The following KIF24 variants were observed in gnomAD, a reference collection of about 807,000 sequenced individuals.
KIF24 encodes kinesin family member 24.
Under a neutral mutation model 118.9 loss-of-function variants are expected in KIF24, and 81 were observed. The observed-to-expected ratio is 0.68, with a 90% CI of 0.57 to 0.82. KIF24 has a LOEUF of 0.82. KIF24 is among the 40% of genes least tolerant of loss of function. The pLI is 0.00. For missense variants in KIF24, 1,560 were observed against 1,661.6 expected, an observed-to-expected ratio of 0.94 and a Z score of 1.06; for synonymous variants, 599 against 610.0, an observed-to-expected ratio of 0.98 and a Z score of 0.27.
At chr9:34,329,600 G>C (rs980761891), upstream of KIF24, 8 of 152,316 alleles carry the variant, frequency 5.3e-5, no homozygotes, top group Non-Finnish European at 1.0e-4. Flanking sequence ...TCTGCTTCGG[G>C]TGAGTACCCT....
intron 3 of KIF24, among the ~76,000 whole-genome samples, chr9:34,298,877 G>C (rs955492505): frequency 1.3e-5 from 2 of 152,016 alleles, no homozygotes; most frequent in Non-Finnish European, 2.9e-5. Flanking sequence ...GAGCTGGGGA[G>C]AGAAAGGGGT....
intron 1 of KIF24, among the ~76,000 whole-genome samples, chr9:34,327,701 T>C (rs1251210159): frequency 2.0e-5 from 3 of 152,042 alleles, no homozygotes; most frequent in East Asian, 1.9e-4. Context: ...GGAATTTTAA[T>C]CTAATTCAAT....
rs1288649323 is a variant in KIF24, at chr9:34,254,642, A to T, written c.3967-122T>A. The T allele has an allele frequency of 5.1e-6, 5 of 982,278 alleles. No individual in the cohort carries two copies. In the African/African-American group the frequency reaches 8.1e-5, roughly 16 times the overall value. The allele number at this position is 982,278 out of a possible 1,614,324, so 60.8% of individuals were successfully genotyped here. The stretch of plus-strand genomic sequence containing the variant: ...ACCCAGGCCACTCTTCCAGCGGGAG[A>T]ACATGTAGGATAGTTGCTATGGCAC... On this transcript the variant is annotated intron_variant, in intron 12 of 12. Transcript: ENST00000402558.
intron 1 of KIF24, chr9:34,319,409 G>A (rs774480128): frequency 3.2e-6 from 3 of 948,188 alleles, no homozygotes; most frequent in African/African-American, 3.2e-5. Context: ...AGGCAAACTT[G>A]TCACGCATGC....
Position 34,259,728 on chromosome 9 carries a change from C to T in KIF24, c.1516-23G>A, listed in dbSNP as rs188069109. 305 of 1,514,976 alleles carry T rather than the reference C, an allele frequency of 2.0e-4. 1 individual carries two copies. The highest frequency in any genetic ancestry group is 1.9e-3 in the Admixed American group (111 of 59,866). 93.8% of individuals were successfully genotyped at this position (1,514,976 alleles called of 1,614,324 possible). A position where few individuals can be genotyped will look rare whatever the true frequency, so the allele number is the denominator to read the frequency against. On this transcript the variant is annotated intron_variant, in intron 9 of 12. Transcript: ENST00000402558. ...GACCTGTCCAAAACAGAAGGCAGGTCAATGAGTGAAGTCAATTAACAAAGT... is the reference window on the plus strand; with the variant it reads ...GACCTGTCCAAAACAGAAGGCAGGTTAATGAGTGAAGTCAATTAACAAAGT...
At chr9:34,284,946 G>A (rs17350373) in intron 6 of KIF24, among the ~76,000 whole-genome samples, 53,467 of 152,012 alleles carry the variant, frequency 0.35, 10,858 homozygotes, top group South Asian at 0.58. Context: ...TGTAAAGCCA[G>A]GGTTGAGGAA....
At chr9:34,286,867 C>T (rs995544764) in intron 5 of KIF24, among the ~76,000 whole-genome samples, 163 bp from the exon 6 acceptor site, 3 of 152,140 alleles carry the variant, frequency 2.0e-5, no homozygotes, top group African/African-American at 7.2e-5. Context: ...GACCTCAGCC[C>T]GATTCAGGGG....
At chr9:34,293,500 C>T (rs1321006706) in intron 4 of KIF24, among the ~76,000 whole-genome samples, 1 of 143,058 alleles carries the variant, frequency 7.0e-6, no homozygotes, top group South Asian at 2.2e-4. Flanking sequence ...AAAGGCCGGA[C>T]GCGGTGGCTC....
chr9:34,258,148 G>A (rs939258020), intron 10 of KIF24, among the ~76,000 whole-genome samples, 167 bp from the exon 11 acceptor site: 1 of 152,200 alleles, frequency 6.6e-6, no homozygotes, highest in Admixed American at 6.5e-5. Flanking sequence ...GTTTCAGCAT[G>A]AGATATCCCT....
At chr9:34,321,337 T>C in intron 1 of KIF24, among the ~76,000 whole-genome samples, 1 of 152,146 alleles carries the variant, frequency 6.6e-6, no homozygotes, top group Non-Finnish European at 1.5e-5. Context: ...TCAGTCAGTC[T>C]CTGCTAAGAA....
chr9:34,265,380 G>C (rs1236036273), intron 8 of KIF24, among the ~76,000 whole-genome samples: 1 of 152,142 alleles, frequency 6.6e-6, no homozygotes, highest in Admixed American at 6.5e-5. Context: ...GTGATGCCCA[G>C]GCTGGTCCTG....
Position 34,257,164 on chromosome 9 carries a change from G to A in KIF24, c.2443C>T (p.His815Tyr). The A allele has an allele frequency of 1.2e-6, 2 of 1,614,022 alleles. No homozygotes were observed. The highest frequency in any genetic ancestry group is 1.7e-6 in the Non-Finnish European group (2 of 1,179,888). The change falls in exon 11 of 13, where the codon CAT becomes TAT. Residue 815 changes from histidine (H) to tyrosine (Y), a missense_variant. Physicochemically the swap from His to Tyr is moderately conservative, Grantham distance 83. Coordinates refer to ENST00000402558, the MANE Select transcript of KIF24 (RefSeq NM_194313.4). The stretch of plus-strand genomic sequence containing the variant: ...AGTTCCTCTACTTGGGCTCCATCAT[G>A]GTTTTCAGAGTAAGAGTGGAACAGA... ...PPLFHSYSEN[H>Y]DGAQVEELDD... is the part of the protein sequence containing the mutation.
intron 6 of KIF24, among the ~76,000 whole-genome samples, chr9:34,285,790 A>T (rs2131740249): frequency 6.6e-6 from 1 of 150,668 alleles, no homozygotes; most frequent in South Asian, 2.1e-4. Context: ...AAAAAAAAAA[A>T]AATTAAAAAA....
chr9:34,318,321 GCCAGCCCAGC>G lies in KIF24; in HGVS notation c.-25-6960_-25-6951del, dbSNP rs888830710. On this transcript the variant is annotated intron_variant, in intron 1 of 12. Coordinates refer to ENST00000402558, the MANE Select transcript of KIF24 (RefSeq NM_194313.4). The surrounding 1 kb of genome is among the most constrained non-coding windows in gnomAD (Gnocchi z 4.9). ...TCGAGAGCGAGACTCCCGTCTTGGA[GCCAGCCCAGC>G]CCAACCCAGCCCAACCCAGCTTGAC... The G allele has an allele frequency of 1.0e-5, 6 of 582,166 alleles. No individual in the cohort carries two copies. The highest frequency in any genetic ancestry group is 1.8e-5 in the Non-Finnish European group (6 of 326,008). 36.1% of individuals were successfully genotyped at this position (582,166 alleles called of 1,614,324 possible).
At chr9:34,287,435 T>C (rs550532995) in intron 5 of KIF24, among the ~76,000 whole-genome samples, 1 of 152,300 alleles carries the variant, frequency 6.6e-6, no homozygotes, top group African/African-American at 2.4e-5. Flanking sequence ...GCATTCAAGG[T>C]AATAAATGGT....
In KIF24 at chr9:34,257,961, CCTTT is replaced by C. The variant is rs1413286988; in HGVS notation, c.1642_1645del (p.Lys548AlafsTer63). 1.4e-5 allele frequency: 22 copies of C among 1,607,216 alleles called. No individual in the cohort carries two copies. The highest frequency in any genetic ancestry group is 1.6e-5 in the Non-Finnish European group (19 of 1,176,824). Reference sequence around the variant, plus strand: ...GGTAACTGAAGTGCAACACTTAATGCCTTTCTTTAGTTCTTTGACCCTGTAAATA... The same window carrying C: ...GGTAACTGAAGTGCAACACTTAATGCCTTTAGTTCTTTGACCCTGTAAATA... On this transcript the variant is annotated frameshift_variant, in exon 11 of 13. Coordinates refer to ENST00000402558, the MANE Select transcript of KIF24 (RefSeq NM_194313.4). LOFTEE classifies it high-confidence loss of function.
Position 34,271,807 on chromosome 9 carries a change from A to T in KIF24, c.1337+2T>A. ...TGTAACTCCCTGATATTTCCAGCTC[A>T]CCTGCCAAATGTCCTCTTGGCTGAA... On this transcript the variant is annotated splice_donor_variant, in intron 7 of 12. Coordinates refer to ENST00000402558, the MANE Select transcript of KIF24 (RefSeq NM_194313.4). LOFTEE classifies it high-confidence loss of function. 6.2e-7 allele frequency: 1 copy of T among 1,611,668 alleles called. No homozygotes were observed. The highest frequency in any genetic ancestry group is 8.5e-7 in the Non-Finnish European group (1 of 1,178,472).
rs1837137718 is a variant in KIF24 at position 34,311,349 on chromosome 9, T to A, written c.-3A>T. 6.4e-7 allele frequency: 1 copy of A among 1,552,300 alleles called. No homozygotes were observed. The highest frequency in any genetic ancestry group is 1.4e-5 in the African/African-American group (1 of 72,706). On this transcript the variant is annotated 5_prime_UTR_variant, in exon 2 of 13. Transcript: ENST00000402558. ...CATTCATATAACCAGGATGCCATTT[T>A]GGTGAATAGGTTTCTATAAACTCTG...
chr9:34,278,544 G>A (rs1835737533), intron 6 of KIF24, among the ~76,000 whole-genome samples: 1 of 140,944 alleles, frequency 7.1e-6, no homozygotes, highest in African/African-American at 2.7e-5. Flanking sequence ...AGATCAACAT[G>A]AAATATCATG....
Sources: allele counts gnomAD v4.1 joint callset (sites outside exome capture counted in the v4.1 genomes callset), GRCh38; gene constraint gnomAD v4.1.1; non-coding constraint Gnocchi (gnomAD v3.1); transcripts MANE v1.5; gene names NCBI Gene and HGNC (gene_info 2026-07-23, HGNC 2026-07-21).